The following GPRC6A variants were observed in gnomAD, a reference collection of about 807,000 sequenced individuals.
The protein encoded by GPRC6A is G protein-coupled receptor class C group 6 member A.
Under a neutral mutation model 47.0 loss-of-function variants are expected in GPRC6A, and 54 were observed. The ratio of observed to expected loss-of-function variants is 1.15; its 90% CI spans 0.92 to 1.44. GPRC6A has a LOEUF of 1.44. GPRC6A is among the 40% of genes most tolerant of loss of function. GPRC6A has a pLI of 0.00. For synonymous variants in GPRC6A, 347 were observed against 377.1 expected (o/e 0.92, Z 0.93); for missense variants, 1,112 against 1,105.5 (o/e 1.01, Z -0.08).
chr6:116,819,856 A>G (rs925418069), intron 1 of GPRC6A, among the ~76,000 whole-genome samples: 1 of 150,392 alleles, frequency 6.6e-6, no homozygotes, highest in African/African-American at 2.5e-5. Context: ...AATAACTAAA[A>G]TCAGAGCAGA....
At chr6:116,814,612 G>C (rs1435815845) in intron 1 of GPRC6A, among the ~76,000 whole-genome samples, 1 of 152,102 alleles carries the variant, frequency 6.6e-6, no homozygotes, top group Admixed American at 6.5e-5. Flanking sequence ...ATGTGGTGGG[G>C]GGATGGGGGA....
chr6:116,815,757 CT>C (rs1168283642), intron 1 of GPRC6A, among the ~76,000 whole-genome samples: 3 of 152,082 alleles, frequency 2.0e-5, no homozygotes, highest in Non-Finnish European at 2.9e-5. Flanking sequence ...CCACATGCTT[CT>C]GAATAACCAT....
chr6:116,792,088 T>G lies in GPRC6A; in HGVS notation c.*54A>C. The G allele has an allele frequency of 6.9e-7, 1 of 1,447,734 alleles. No homozygotes were observed. Among genetic ancestry groups the G allele is most frequent in the Non-Finnish European group, 9.4e-7 (1 of 1,063,428 alleles). The allele number at this position is 1,447,734 out of a possible 1,614,324, so 89.7% of individuals were successfully genotyped here. On this transcript the variant is annotated 3_prime_UTR_variant, in exon 6 of 6. Coordinates refer to ENST00000310357, the MANE Select transcript of GPRC6A (RefSeq NM_148963.4). ...TGGGAAAGTAAATTTATATCTTAGA[T>G]GCAAAGACCCTGGAAACATTTTATT... is the stretch of plus-strand genomic sequence containing the variant.
intron 5 of GPRC6A, among the ~76,000 whole-genome samples, chr6:116,795,126 G>A (rs542572244): frequency 1.3e-5 from 2 of 152,192 alleles, no homozygotes; most frequent in African/African-American, 4.8e-5. Flanking sequence ...TGTGTATTTT[G>A]CTTTCATTTT....
At chr6:116,795,859 AT>A (rs1562478232) in intron 4 of GPRC6A, 24 bp from the exon 5 acceptor site, 3 of 1,511,970 alleles carry the variant, frequency 2.0e-6, no homozygotes, top group Middle Eastern at 1.7e-4. Flanking sequence ...GAAAAAAAAA[AT>A]CACAAGTAAA....
intron 5 of GPRC6A, among the ~76,000 whole-genome samples, chr6:116,794,944 C>T (rs1772430258): frequency 6.6e-6 from 1 of 152,044 alleles, no homozygotes; most frequent in Admixed American, 6.6e-5. Flanking sequence ...AAAGAATAGG[C>T]ATTTGGGGAC....
Position 116,806,499 on chromosome 6 carries a change from G to T in GPRC6A, c.1206C>A (p.Phe402Leu), listed in dbSNP as rs776725872. ...GTCCTGGCTCAGCATAGTCCCAGAG[G>T]AAGTCATTTCTCATGACGAAGTTCC... is the stretch of plus-strand genomic sequence containing the variant. Reference protein sequence around the residue: ...IERNFVMRNDFLWDYAEPGLI... With the variant: ...IERNFVMRNDLLWDYAEPGLI... Residue 402 changes from phenylalanine (F) to leucine (L), a missense_variant, in exon 3 of 6, where the codon TTC becomes TTA. Coordinates refer to ENST00000310357, the MANE Select transcript of GPRC6A (RefSeq NM_148963.4). The T allele has an allele frequency of 5.0e-6, 8 of 1,613,376 alleles. No individual in the cohort carries two copies. The African/African-American group carries it at 1.1e-4, about 22-fold the overall frequency.
chr6:116,809,020 T>C (rs577597932), intron 2 of GPRC6A, among the ~76,000 whole-genome samples: 9 of 152,324 alleles, frequency 5.9e-5, no homozygotes, highest in Admixed American at 1.3e-4. Context: ...TCTCTTACTA[T>C]GTTTCCTTTT....
chr6:116,808,271 A>G (rs1450992440), intron 2 of GPRC6A, among the ~76,000 whole-genome samples: 2 of 152,054 alleles, frequency 1.3e-5, no homozygotes, highest in African/African-American at 2.4e-5. Flanking sequence ...AGCTTTCTTA[A>G]AATTAGTGTT....
At chr6:116,801,803 A>T (rs1772684996) in intron 3 of GPRC6A, among the ~76,000 whole-genome samples, 1 of 152,142 alleles carries the variant, frequency 6.6e-6, no homozygotes, top group African/African-American at 2.4e-5. Context: ...TCTTTTAATG[A>T]ATATCAATTA....
At chr6:116,797,825 G>T (rs1334345709) in intron 4 of GPRC6A, among the ~76,000 whole-genome samples, 1 of 152,216 alleles carries the variant, frequency 6.6e-6, no homozygotes, top group Non-Finnish European at 1.5e-5. Context: ...TAATGTAGTT[G>T]TGAGGATAAT....
chr6:116,819,908 A>G (rs1773396051), intron 1 of GPRC6A, among the ~76,000 whole-genome samples: 1 of 149,974 alleles, frequency 6.7e-6, no homozygotes, highest in South Asian at 2.1e-4. Flanking sequence ...CAAAAAATTA[A>G]TGAATCCAGG....
intron 1 of GPRC6A, among the ~76,000 whole-genome samples, chr6:116,821,881 G>A (rs1478245070): frequency 6.6e-6 from 1 of 150,522 alleles, no homozygotes; most frequent in Non-Finnish European, 1.5e-5. Context: ...AAAGTAAAGA[G>A]CTTCTGCACA....
intron 1 of GPRC6A, among the ~76,000 whole-genome samples, chr6:116,812,738 G>C (rs1208678687): frequency 2.0e-5 from 3 of 152,162 alleles, no homozygotes; most frequent in East Asian, 3.8e-4. Flanking sequence ...ATTCAACATA[G>C]TGTTGGAAGT....
At chr6:116,818,359 C>A (rs1238078429) in intron 1 of GPRC6A, among the ~76,000 whole-genome samples, 4 of 148,752 alleles carry the variant, frequency 2.7e-5, no homozygotes, top group Admixed American at 6.7e-5. Context: ...ACGGTGAAAC[C>A]CTGTCTCTAC....
chr6:116,795,525 G>C (rs1772454080), intron 5 of GPRC6A, among the ~76,000 whole-genome samples, 187 bp downstream of exon 5: 1 of 152,058 alleles, frequency 6.6e-6, no homozygotes, highest in South Asian at 2.1e-4. Flanking sequence ...TTTATTTGCT[G>C]TGCACCTGTT....
chr6:116,809,223 G>T, intron 2 of GPRC6A, 91 bp downstream of exon 2: 1 of 939,622 alleles, frequency 1.1e-6, no homozygotes. Flanking sequence ...AAGTAAAAGT[G>T]ACTCCCTAAC....
At chr6:116,815,741 ATT>A (rs1244969149) in intron 1 of GPRC6A, among the ~76,000 whole-genome samples, 2 of 152,386 alleles carry the variant, frequency 1.3e-5, no homozygotes, top group South Asian at 4.1e-4. Context: ...ATCAGCAGAA[ATT>A]AAACCACATG....
At chr6:116,800,117 A>C (rs949486179) in intron 4 of GPRC6A, among the ~76,000 whole-genome samples, 2 of 152,172 alleles carry the variant, frequency 1.3e-5, no homozygotes, top group South Asian at 4.2e-4. Context: ...ATTGCCCTGC[A>C]GCATTAAGAG....
Sources: allele counts gnomAD v4.1 joint callset (sites outside exome capture counted in the v4.1 genomes callset), GRCh38; gene constraint gnomAD v4.1.1; transcripts MANE v1.5; gene names NCBI Gene and HGNC (gene_info 2026-07-23, HGNC 2026-07-21).